TYMP: variants seen among roughly 807,000 people sequenced by gnomAD.
TYMP encodes the protein thymidine phosphorylase.
In TYMP, 46 loss-of-function variants were observed where a neutral mutation model predicts 42.3. That is an observed-to-expected ratio of 1.09 (90% CI 0.86 to 1.39). The LOEUF (loss-of-function observed/expected upper bound fraction) is 1.39. TYMP is among the 40% of genes most tolerant of loss of function. The probability of loss-of-function intolerance (pLI) is 0.00; values close to 1 mark genes in which losing one functional copy is unlikely to be tolerated. For missense variants in TYMP, 837 were observed against 677.6 expected (o/e 1.24, Z -2.61); for synonymous variants, 363 against 308.0 (o/e 1.18, Z -1.87).
rs1064792873 is a variant in TYMP at position 50,526,141 on chromosome 22, C to T, written c.1160G>A (p.Gly387Asp). Residue 387 changes from glycine to aspartate, a missense_variant and splice_region_variant, in exon 9 of 10, where the codon GGC (glycine) becomes GAC (aspartate). Gly to Asp is a moderately conservative substitution (Grantham distance 94, BLOSUM62 -1). Transcript: ENST00000252029. The part of the protein sequence containing the change: ...EQEELLAPAD[G>D]TVELVRALPL... ...CAGCGCCCGGACCAGCTCCACGGTGCCTGCGGGGAGAGGGGCTGAGAGGCG... is the reference window on the plus strand; with the variant it reads ...CAGCGCCCGGACCAGCTCCACGGTGTCTGCGGGGAGAGGGGCTGAGAGGCG... The T allele has an allele frequency of 2.0e-6, 3 of 1,484,002 alleles. No homozygotes were observed. Among genetic ancestry groups the T allele is most frequent in the Non-Finnish European group, 2.7e-6 (3 of 1,124,042 alleles). The allele number at this position is 1,484,002 out of a possible 1,614,324, so 91.9% of individuals were successfully genotyped here.
Position 50,528,553 on chromosome 22 carries a change from C to T in TYMP, c.475G>A (p.Glu159Lys), listed in dbSNP as rs777005301. 24 of 1,613,866 alleles carry T rather than the reference C, an allele frequency of 1.5e-5. No individual in the cohort carries two copies. Among genetic ancestry groups the T allele is most frequent in the Non-Finnish European group, 2.0e-5 (24 of 1,180,006 alleles). Residue 159 changes from glutamate (E) to lysine (K), a missense_variant, in exon 4 of 10, where the codon GAG (glutamate) becomes AAG (lysine). Coordinates refer to ENST00000252029, the MANE Select transcript of TYMP (RefSeq NM_001953.5). ...ATGACATTGAATCCAGGAATAGACT[C>T]CAGCTTATCCAAGGTGCCTCCTGTG... ...GHTGGTLDKL[E>K]SIPGFNVIQS... is the part of the protein sequence containing the mutation.
intron 5 of TYMP, 42 bp downstream of exon 5, chr22:50,527,546 G>T: frequency 5.6e-6 from 9 of 1,613,816 alleles, no homozygotes; most frequent in Non-Finnish European, 7.6e-6. Flanking sequence ...TGGAGGTCAG[G>T]AGCCTGTGAA....
At chr22:50,529,835 G>T in intron 1 of TYMP, 69 bp downstream of exon 1, 2 of 880,974 alleles carry the variant, frequency 2.3e-6, no homozygotes, top group Non-Finnish European at 3.4e-6. Context: ...CCTCGGTCCC[G>T]TGTCTGTGTC....
In TYMP at chr22:50,525,864, C is replaced by T. The variant is rs757481896; in HGVS notation, c.1355G>A (p.Ser452Asn). 3 of 1,597,466 alleles carry T rather than the reference C, an allele frequency of 1.9e-6. No homozygotes were observed. The highest frequency in any genetic ancestry group is 1.7e-5 in the Admixed American group (1 of 57,850). Residue 452 changes from serine to asparagine, a missense_variant, in exon 10 of 10, where the codon AGC becomes AAC. Ser to Asn is a conservative substitution (Grantham distance 46). Coordinates refer to ENST00000252029, the MANE Select transcript of TYMP (RefSeq NM_001953.5). Reference sequence around the variant, plus strand: ...TACGAGCGCCTCCTGCAGGGCGCGGCTCTGCGGGCCGCTGAGCGCGGGGCC... The same window carrying T: ...TACGAGCGCCTCCTGCAGGGCGCGGTTCTGCGGGCCGCTGAGCGCGGGGCC... ...RDGPALSGPQSRALQEALVLS... is the reference protein window; with the variant it reads ...RDGPALSGPQNRALQEALVLS...
At chr22:50,528,157 G>A (rs551116581) in intron 4 of TYMP, 5 of 393,000 alleles carry the variant, frequency 1.3e-5, no homozygotes, top group Admixed American at 3.7e-5. Flanking sequence ...AACCACATGC[G>A]TGCACCACCA....
At chr22:50,527,480 G>A (rs1010840467) in intron 5 of TYMP, 108 bp downstream of exon 5, 2 of 1,556,986 alleles carry the variant, frequency 1.3e-6, no homozygotes, top group African/African-American at 2.7e-5. Flanking sequence ...ATGGGGGTAG[G>A]GGGGCACACG....
rs1412958358 is a variant in TYMP, at chr22:50,529,683, G to A, written c.27C>T (p.Thr9=). ...AGTCACCAGGCGCGGGTGGGGCCCC[G>A]GTTCCCGGGGTCATCAAGGCTGCCA... MAALMTPG[T]GAPPAPGDFS... is the part of the protein sequence containing the mutation. Residue 9 remains threonine, a synonymous_variant, in exon 2 of 10, where the codon ACC becomes ACT. Coordinates refer to ENST00000252029, the MANE Select transcript of TYMP (RefSeq NM_001953.5). 3 of 1,611,292 alleles carry A rather than the reference G, an allele frequency of 1.9e-6. No homozygotes were observed. Among genetic ancestry groups the A allele is most frequent in the Middle Eastern group, 1.7e-4 (1 of 5,952 alleles).
At chr22:50,527,035 C>G in intron 6 of TYMP, 130 bp downstream of exon 6, 1 of 824,050 alleles carries the variant, frequency 1.2e-6, no homozygotes, top group Non-Finnish European at 2.1e-6. Flanking sequence ...GGAGGGACTT[C>G]GGGCAGAAGA....
intron 8 of TYMP, 30 bp downstream of exon 8, chr22:50,526,216 C>T (rs766469259): frequency 3.3e-6 from 5 of 1,502,196 alleles, no homozygotes; most frequent in Non-Finnish European, 3.5e-6. Flanking sequence ...ATGGCGGAGG[C>T]GGAAGGACGG....
At position 50,525,820 on chromosome 22, in the gene TYMP, A is replaced by T; in HGVS notation, c.1399T>A (p.Phe467Ile). The T allele has an allele frequency of 6.2e-7, 1 of 1,610,144 alleles. No individual in the cohort carries two copies. Among genetic ancestry groups the T allele is most frequent in the African/African-American group, 1.3e-5 (1 of 74,938 alleles). ...EALVLSDRAP[F>I]AAPSPFAELV... is the part of the protein sequence containing the mutation. ...TCTGCGAAGGGCGAGGGGGCGGCGA[A>T]TGGCGCGCGGTCGGAGAGTACGAGC... is the stretch of plus-strand genomic sequence containing the variant. The change falls in exon 10 of 10, where the codon TTC (phenylalanine) becomes ATC (isoleucine). Residue 467 changes from phenylalanine (F) to isoleucine (I), a missense_variant. Phe to Ile is a conservative substitution (Grantham distance 21). Transcript: ENST00000252029.
Position 50,526,492 on chromosome 22 carries a change from G to A in TYMP, c.929-16C>T, listed in dbSNP as rs751237117. On this transcript the variant is annotated splice_polypyrimidine_tract_variant and intron_variant, in intron 7 of 9. Transcript: ENST00000252029. The stretch of plus-strand genomic sequence containing the variant: ...AGGGCGCCCCCTGCGGGCGGGGACG[G>A]GTCTTAGGCGCGGCCGGGTCGGGGC... 2.0e-6 allele frequency: 3 copies of A among 1,513,856 alleles called. No homozygotes were observed. Among genetic ancestry groups the A allele is most frequent in the South Asian group, 2.5e-5 (2 of 79,514 alleles). 93.8% of individuals were successfully genotyped at this position (1,513,856 alleles called of 1,614,324 possible). A position where few individuals can be genotyped will look rare whatever the true frequency, so the allele number is the denominator to read the frequency against.
In TYMP at chr22:50,529,141, A is replaced by T; in HGVS notation, c.412T>A (p.Cys138Ser). 6.2e-7 allele frequency: 1 copy of T among 1,613,102 alleles called. No homozygotes were observed. The highest frequency in any genetic ancestry group is 8.5e-7 in the Non-Finnish European group (1 of 1,179,972). The change falls in exon 3 of 10, where the codon TGC (cysteine) becomes AGC (serine). Residue 138 changes from cysteine (C) to serine (S), a missense_variant. Transcript: ENST00000252029. ...GAAAGGAGGTGGTTTCTAACCTTGC[A>T]GCCACATGCCGCCAGGGCAGGTGCG... ...VLAPALAACG[C>S]KVPMISGRGL...
rs374043253 is a variant in TYMP at position 50,529,574 on chromosome 22, C to T, written c.136G>A (p.Gly46Arg). ...ATGTCCGCTTCGCTCAGGCGGCCTC[C>T]GTCTCGCTTCATGCGGATCAGCTCC... ...LPELIRMKRD[G>R]GRLSEADIRG... The change falls in exon 2 of 10, where the codon GGA (glycine) becomes AGA (arginine). Residue 46 changes from glycine (G) to arginine (R), a missense_variant. Coordinates refer to ENST00000252029, the MANE Select transcript of TYMP (RefSeq NM_001953.5). 8 of 1,613,048 alleles carry T rather than the reference C, an allele frequency of 5.0e-6. No homozygotes were observed. In the Admixed American group the frequency reaches 8.3e-5, roughly 17 times the overall value.
chr22:50,528,678 T>A, intron 3 of TYMP, 68 bp from the exon 4 acceptor site: 1 of 1,271,988 alleles, frequency 7.9e-7, no homozygotes, highest in Non-Finnish European at 1.1e-6. Context: ...CCCTTCACCT[T>A]CCCTGGCTAG....
chr22:50,525,975 GC>G (rs2069344263), intron 9 of TYMP, 25 bp downstream of exon 9: 1 of 1,386,802 alleles, frequency 7.2e-7, no homozygotes, highest in Admixed American at 3.5e-5. Context: ...GGGGTGCGGG[GC>G]CAGCAGGGCG....
chr22:50,526,005 G>A lies in TYMP; in HGVS notation c.1296C>T (p.Arg432=). The A allele has an allele frequency of 1.4e-6, 2 of 1,447,174 alleles. No individual in the cohort carries two copies. Among genetic ancestry groups the A allele is most frequent in the Non-Finnish European group, 1.8e-6 (2 of 1,106,078 alleles). The allele number at this position is 1,447,174 out of a possible 1,614,324, so 89.6% of individuals were successfully genotyped here. A position where few individuals can be genotyped will look rare whatever the true frequency, so the allele number is the denominator to read the frequency against. Residue 432 remains arginine, a synonymous_variant, in exon 9 of 10, where the codon CGC becomes CGT. Transcript: ENST00000252029. ...ELLVDVGQRL[R]RGTPWLRVHR... ...CAGGGCGGGGGCGGCGCTCACCACG[G>A]CGCAGCCTCTGACCCACGTCGACCA...
At position 50,529,548 on chromosome 22, in the gene TYMP, G is replaced by A; in HGVS notation, c.162C>T (p.Ile54=). The part of the protein sequence containing the change: ...RDGGRLSEAD[I]RGFVAAVVNG... ...TCACCACAGCGGCCACGAAGCCCCT[G>A]ATGTCCGCTTCGCTCAGGCGGCCTC... The change falls in exon 2 of 10, where the codon ATC becomes ATT. Residue 54 remains isoleucine (I), a synonymous_variant. Coordinates refer to ENST00000252029, the MANE Select transcript of TYMP (RefSeq NM_001953.5). 1 of 1,613,156 alleles carries A rather than the reference G, an allele frequency of 6.2e-7. No homozygotes were observed. The highest frequency in any genetic ancestry group is 1.3e-5 in the African/African-American group (1 of 75,074).
At chr22:50,529,038 G>A in intron 3 of TYMP, 98 bp downstream of exon 3, 3 of 1,272,484 alleles carry the variant, frequency 2.4e-6, no homozygotes, top group East Asian at 4.7e-5. Context: ...GGGTCTTGGA[G>A]GCTTTGGGCC....
In TYMP at chr22:50,529,289, G is replaced by T. The variant is rs1447547300; in HGVS notation, c.264C>A (p.Thr88=). 5 of 1,613,284 alleles carry T rather than the reference G, an allele frequency of 3.1e-6. No homozygotes were observed. In the African/African-American group the frequency reaches 5.3e-5, roughly 17 times the overall value. Residue 88 remains threonine, a synonymous_variant, in exon 3 of 10, where the codon ACC becomes ACA. Coordinates refer to ENST00000252029, the MANE Select transcript of TYMP (RefSeq NM_001953.5). ...GAGCCAGGGCCTGGGTCAGCACCGAGGTCTCCTCCAGATCCATGCCCCGAA... is the reference window on the plus strand; with the variant it reads ...GAGCCAGGGCCTGGGTCAGCACCGATGTCTCCTCCAGATCCATGCCCCGAA... The part of the protein sequence containing the change: ...IRLRGMDLEE[T]SVLTQALAQS...
Sources: gnomAD v4.1 joint callset for allele counts on GRCh38, gnomAD v4.1.1 for gene constraint, MANE v1.5 for transcripts, NCBI Gene and HGNC (gene_info 2026-07-23, HGNC 2026-07-21) for gene names.